RALYL: variants seen among roughly 807,000 people sequenced by gnomAD.
RALYL encodes RNA-binding Raly-like protein.
A neutral mutation model predicts 35.1 loss-of-function variants in RALYL; 29 were observed. The observed-to-expected ratio is 0.83, with a 90% CI of 0.61 to 1.13. RALYL has a LOEUF of 1.13. RALYL is among the 50% of genes most tolerant of loss of function. The pLI is 0.00. For missense variants in RALYL, 359 were observed against 360.4 expected, an observed-to-expected ratio of 1.00 and a Z score of 0.03; for synonymous variants, 120 against 127.6, an observed-to-expected ratio of 0.94 and a Z score of 0.40.
intron 2 of RALYL, among the ~76,000 whole-genome samples, chr8:84,732,683 T>TATATATATATATATATACAC: frequency 7.5e-5 from 10 of 133,220 alleles, no homozygotes; most frequent in African/African-American, 3.0e-4. Context: ...TATATATATA[T>TATATATATATATATATACAC]ACACACACAC....
intron 1 of RALYL, among the ~76,000 whole-genome samples, chr8:84,324,021 A>G (rs1416167722): frequency 6.6e-6 from 1 of 152,076 alleles, no homozygotes; most frequent in African/African-American, 2.4e-5. Context: ...TTATTAGTGT[A>G]TGTGAAACAA....
chr8:84,235,767 C>CTTT (rs556495836), intron 1 of RALYL, among the ~76,000 whole-genome samples: 21 of 126,910 alleles, frequency 1.7e-4, no homozygotes, highest in South Asian at 5.0e-4. Context: ...TTTTCTTTTT[C>CTTT]TTTTTTTTTT....
rs2060152078 is a variant in RALYL at position 84,543,495 on chromosome 8, TAAAAAAAATA to T, written c.256+13927_256+13936del. Reference sequence around the variant, plus strand: ...TCTGTTCCCCAAAAATCTATGGAAATAAAAAAAATAAAAAAAAACAACTTAGTAAAGTGGT... The same window carrying T: ...TCTGTTCCCCAAAAATCTATGGAAATAAAAAAAACAACTTAGTAAAGTGGT... On this transcript the variant is annotated intron_variant, in intron 2 of 8. Transcript: ENST00000521268. Among the ~76,000 whole-genome samples the T allele has an allele frequency of 4.7e-5, 6 of 126,566 alleles. No homozygotes were observed. The South Asian group carries it at 1.8e-3, about 38-fold the overall frequency. 83.0% of individuals were successfully genotyped at this position (126,566 alleles called of 152,430 possible).
chr8:84,654,300 T>TCC, intron 2 of RALYL, among the ~76,000 whole-genome samples: 1 of 130,348 alleles, frequency 7.7e-6, no homozygotes, highest in East Asian at 2.3e-4. Context: ...TATATATATA[T>TCC]ATATATATAT....
chr8:84,345,502 T>G (rs1335588949), intron 1 of RALYL, among the ~76,000 whole-genome samples: 1 of 152,120 alleles, frequency 6.6e-6, no homozygotes, highest in Admixed American at 6.6e-5. Context: ...AGGGTTATCT[T>G]TAGATACATG....
At chr8:84,919,923 A>G (rs2135787800) in intron 8 of RALYL, among the ~76,000 whole-genome samples, 1 of 152,230 alleles carries the variant, frequency 6.6e-6, no homozygotes, top group East Asian at 1.9e-4. Context: ...TCTTTCAACC[A>G]GTAGTCTTAG....
intron 1 of RALYL, among the ~76,000 whole-genome samples, chr8:84,426,002 A>T (rs562245795): frequency 6.6e-6 from 1 of 152,292 alleles, no homozygotes; most frequent in Non-Finnish European, 1.5e-5. Context: ...TTATCCATTT[A>T]TATAATGTGT....
Position 84,621,586 on chromosome 8 carries a change from C to G in RALYL, c.256+92009C>G, listed in dbSNP as rs565365148. On this transcript the variant is annotated intron_variant, in intron 2 of 8. Coordinates refer to ENST00000521268, the MANE Select transcript of RALYL (RefSeq NM_173848.7). ...GTCGCTCACGCTGGGAGCTGTAGAC[C>G]GGAGCTGTTCCTATTCAGCCATCTT... 4.5e-5 allele frequency among the ~76,000 whole-genome samples: 6 copies of G among 133,788 alleles called. No homozygotes were observed. In the South Asian group the frequency reaches 1.3e-3, roughly 28 times the overall value. 87.8% of individuals were successfully genotyped at this position (133,788 alleles called of 152,430 possible). A position where few individuals can be genotyped will look rare whatever the true frequency, so the allele number is the denominator to read the frequency against.
At chr8:84,731,832 C>T (rs1846232738) in intron 2 of RALYL, among the ~76,000 whole-genome samples, 1 of 152,160 alleles carries the variant, frequency 6.6e-6, no homozygotes, top group Non-Finnish European at 1.5e-5. Flanking sequence ...AAAGATATTT[C>T]ATAGGCAGCA....
intron 2 of RALYL, among the ~76,000 whole-genome samples, chr8:84,598,786 A>G (rs976468325): frequency 6.6e-6 from 1 of 152,184 alleles, no homozygotes; most frequent in South Asian, 2.1e-4. Flanking sequence ...CAATAAATAT[A>G]GGAGTGCAGG....
chr8:84,186,511 A>G (rs1812560418), intron 1 of RALYL, among the ~76,000 whole-genome samples: 1 of 152,212 alleles, frequency 6.6e-6, no homozygotes, highest in Non-Finnish European at 1.5e-5. Flanking sequence ...GCAAGCAAGC[A>G]AGAACTTGAA....
At chr8:84,824,925 C>G (rs1829338659) in intron 4 of RALYL, among the ~76,000 whole-genome samples, 1 of 151,960 alleles carries the variant, frequency 6.6e-6, no homozygotes, top group Non-Finnish European at 1.5e-5. Context: ...AAATACCATT[C>G]TGGACATCAG....
chr8:84,630,281 G>A (rs9987099), intron 2 of RALYL, among the ~76,000 whole-genome samples: 29,412 of 151,826 alleles, frequency 0.19, 3,099 homozygotes, highest in Non-Finnish European at 0.23. Context: ...GCTACCTAGT[G>A]TGCTCTCCAA....
intron 1 of RALYL, among the ~76,000 whole-genome samples, chr8:84,424,685 C>A (rs970123600): frequency 2.0e-5 from 3 of 151,850 alleles, no homozygotes; most frequent in African/African-American, 4.8e-5. Flanking sequence ...GTGGTTTTAT[C>A]TACTTTTGGT....
intron 2 of RALYL, among the ~76,000 whole-genome samples, chr8:84,580,952 G>A (rs1810685460): frequency 6.6e-6 from 1 of 152,046 alleles, no homozygotes; most frequent in Admixed American, 6.6e-5. Flanking sequence ...GAATCTTCTG[G>A]AATCTTGTTC....
At chr8:84,528,534 A>G (rs1052633155) in intron 1 of RALYL, among the ~76,000 whole-genome samples, 1 of 152,148 alleles carries the variant, frequency 6.6e-6, no homozygotes, top group African/African-American at 2.4e-5. Context: ...CCTTTAGTTA[A>G]GTGAATTAGA....
At chr8:84,471,688 G>C (rs1011730216) in intron 1 of RALYL, among the ~76,000 whole-genome samples, 1 of 152,190 alleles carries the variant, frequency 6.6e-6, no homozygotes, top group Admixed American at 6.5e-5. Context: ...AACTTCATTA[G>C]ATAGATGCAG....
intron 4 of RALYL, among the ~76,000 whole-genome samples, chr8:84,839,342 G>T (rs1383448383): frequency 6.6e-6 from 1 of 152,230 alleles, no homozygotes; most frequent in Non-Finnish European, 1.5e-5. Flanking sequence ...GGCTCGGAAG[G>T]ACCTACGCTC....
At chr8:84,876,919 T>C (rs2135294273) in intron 7 of RALYL, among the ~76,000 whole-genome samples, 1 of 152,310 alleles carries the variant, frequency 6.6e-6, no homozygotes, top group Non-Finnish European at 1.5e-5. Context: ...AAATATGAGC[T>C]CTTTTGAAAA....
Sources: allele counts gnomAD v4.1 joint callset (sites outside exome capture counted in the v4.1 genomes callset), GRCh38; gene constraint gnomAD v4.1.1; transcripts MANE v1.5; gene names NCBI Gene and HGNC (gene_info 2026-07-23, HGNC 2026-07-21).